RPTOR: variants seen among roughly 807,000 people sequenced by gnomAD.
The protein encoded by RPTOR is regulatory-associated protein of mTOR.
A neutral mutation model predicts 169.9 loss-of-function variants in RPTOR; 21 were observed. The observed-to-expected ratio is 0.12, with a 90% CI of 0.09 to 0.18. The LOEUF (loss-of-function observed/expected upper bound fraction) is 0.18. Among genes scored for constraint, RPTOR ranks in the 10% least tolerant of loss-of-function variants. The pLI, the probability that RPTOR is intolerant of heterozygous loss-of-function variation, is 1.00. For synonymous variants in RPTOR, 732 were observed against 753.2 expected (o/e 0.97, Z 0.46); for missense variants, 1,133 against 1,855.9 (o/e 0.61, Z 7.16).
At chr17:80,743,767 T>TGGCTACGAGCACAGC (rs1567887258) in intron 5 of RPTOR, among the ~76,000 whole-genome samples, 1 of 84,614 alleles carries the variant, frequency 1.2e-5, no homozygotes, top group Non-Finnish European at 2.3e-5. Context: ...ACTAGCACTC[T>TGGCTACGAGCACAGC]CCTGGTTACT....
chr17:80,920,485 A>G (rs2068731702), intron 21 of RPTOR, among the ~76,000 whole-genome samples: 1 of 152,124 alleles, frequency 6.6e-6, no homozygotes, highest in South Asian at 2.1e-4. Context: ...GTCTCATCTT[A>G]TAACCCCAGG....
chr17:80,670,562 AT>A (rs1201208546), intron 3 of RPTOR, among the ~76,000 whole-genome samples: 1 of 151,856 alleles, frequency 6.6e-6, no homozygotes, highest in Admixed American at 6.6e-5. Flanking sequence ...CAGTTTTCGT[AT>A]TTATTGTGTT....
intron 7 of RPTOR, among the ~76,000 whole-genome samples, chr17:80,799,859 A>G (rs1197216235): frequency 1.3e-5 from 2 of 152,170 alleles, no homozygotes; most frequent in African/African-American, 2.4e-5. Flanking sequence ...ATCGGCACAT[A>G]ACGTGACAGA....
At chr17:80,783,659 T>C (rs1238953000) in intron 6 of RPTOR, among the ~76,000 whole-genome samples, 4 of 152,230 alleles carry the variant, frequency 2.6e-5, no homozygotes, top group Non-Finnish European at 5.9e-5. Context: ...CAGCCAGCTC[T>C]GACAATGGGG....
At chr17:80,864,969 G>A (rs776413263) in intron 13 of RPTOR, among the ~76,000 whole-genome samples, 44 of 152,232 alleles carry the variant, frequency 2.9e-4, no homozygotes, top group South Asian at 6.2e-4. Flanking sequence ...CCGGGATCAC[G>A]GGCACAAGCC....
At chr17:80,675,891 C>T (rs887107214) in intron 3 of RPTOR, among the ~76,000 whole-genome samples, 7 of 152,166 alleles carry the variant, frequency 4.6e-5, no homozygotes, top group Non-Finnish European at 8.8e-5. Flanking sequence ...TTTTTATTAC[C>T]GCAGATGTGA....
rs2069419671 is a variant in RPTOR at position 80,965,731 on chromosome 17, C to T, written c.*1401C>T. 2 of 233,334 alleles carry T rather than the reference C, an allele frequency of 8.6e-6. No homozygotes were observed. The highest frequency in any genetic ancestry group is 1.7e-5 in the Non-Finnish European group (2 of 118,088). The allele number at this position is 233,334 out of a possible 1,614,324, so 14.5% of individuals were successfully genotyped here. A position where few individuals can be genotyped will look rare whatever the true frequency, so the allele number is the denominator to read the frequency against. ...TGGAACCCTGCCTGGTCACATTTGG[C>T]CAGAGACACACCTGGCCCTCAGGGG... On this transcript the variant is annotated 3_prime_UTR_variant, in exon 34 of 34. Transcript: ENST00000306801.
chr17:80,964,227 C>G, intron 33 of RPTOR, 35 bp from the exon 34 acceptor site: 1 of 1,592,692 alleles, frequency 6.3e-7, no homozygotes, highest in Non-Finnish European at 8.5e-7. Flanking sequence ...CTGCCCGCAC[C>G]TGAACCCCTG....
chr17:80,921,972 A>G (rs1269117229), intron 21 of RPTOR, among the ~76,000 whole-genome samples: 2 of 152,172 alleles, frequency 1.3e-5, no homozygotes, highest in African/African-American at 4.8e-5. Flanking sequence ...GAGGATGTTA[A>G]GGGCGGTCTT....
chr17:80,664,587 C>T (rs2065749826), intron 3 of RPTOR, among the ~76,000 whole-genome samples: 1 of 151,992 alleles, frequency 6.6e-6, no homozygotes, highest in Admixed American at 6.5e-5. Context: ...CTTTCCACCT[C>T]CTCCTCCGTC....
chr17:80,849,826 CG>C (rs1850901476), intron 11 of RPTOR, among the ~76,000 whole-genome samples: 1 of 152,192 alleles, frequency 6.6e-6, no homozygotes, highest in Non-Finnish European at 1.5e-5. Flanking sequence ...CCCTGAACAC[CG>C]TCTTCTCACG....
At chr17:80,671,745 T>C (rs1208481872) in intron 3 of RPTOR, among the ~76,000 whole-genome samples, 1 of 152,226 alleles carries the variant, frequency 6.6e-6, no homozygotes, top group East Asian at 1.9e-4. Flanking sequence ...ACCTATGGTC[T>C]TCTGGTCACT....
chr17:80,816,772 A>G (rs781733623), intron 7 of RPTOR, among the ~76,000 whole-genome samples: 2 of 152,164 alleles, frequency 1.3e-5, no homozygotes, highest in African/African-American at 2.4e-5. Flanking sequence ...AGAGGAGCCT[A>G]CGGGGGCCAA....
intron 3 of RPTOR, among the ~76,000 whole-genome samples, chr17:80,649,766 CTCCCACTTCGTCT>C (rs1189302546): frequency 6.6e-6 from 1 of 152,222 alleles, no homozygotes; most frequent in Non-Finnish European, 1.5e-5. Flanking sequence ...CAGCAGTGCT[CTCCCACTTCGTCT>C]TCCCTCCTTT....
At chr17:80,914,922 G>A (rs1292720084) in intron 21 of RPTOR, among the ~76,000 whole-genome samples, 1 of 152,234 alleles carries the variant, frequency 6.6e-6, no homozygotes, top group Non-Finnish European at 1.5e-5. Context: ...ACCAGAATGG[G>A]AACTTTTAGT....
chr17:80,676,398 G>A (rs1332598282), intron 3 of RPTOR, among the ~76,000 whole-genome samples: 1 of 152,214 alleles, frequency 6.6e-6, no homozygotes. Context: ...AATGGCCAGC[G>A]TGTCAAGAAA....
chr17:80,647,582 T>TG (rs34092290), intron 3 of RPTOR, among the ~76,000 whole-genome samples: 14,364 of 152,136 alleles, frequency 0.094, 742 homozygotes, highest in Middle Eastern at 0.13. Context: ...CCTCTTTACT[T>TG]GGGGTGAGCT....
intron 5 of RPTOR, among the ~76,000 whole-genome samples, chr17:80,734,233 A>T (rs2066416343): frequency 6.6e-6 from 1 of 152,188 alleles, no homozygotes; most frequent in Non-Finnish European, 1.5e-5. Context: ...TAGATCCACA[A>T]GGAGAGCGGA....
chr17:80,956,877 C>T (rs1314324895), intron 28 of RPTOR, among the ~76,000 whole-genome samples: 1 of 151,984 alleles, frequency 6.6e-6, no homozygotes, highest in Admixed American at 6.6e-5. Context: ...TCCTGGAAGG[C>T]TCTGCTCCGA....
Sources: allele counts gnomAD v4.1 joint callset (sites outside exome capture counted in the v4.1 genomes callset), GRCh38; gene constraint gnomAD v4.1.1; transcripts MANE v1.5; gene names NCBI Gene and HGNC (gene_info 2026-07-23, HGNC 2026-07-21).